Variants in HAAO observed in about 807,000 individuals in gnomAD.
The protein encoded by HAAO is 3-hydroxyanthranilate oxygenase.
In HAAO, 49 loss-of-function variants were observed where a neutral mutation model predicts 46.2. That is an observed-to-expected ratio of 1.06 (90% CI 0.84 to 1.34). HAAO has a LOEUF of 1.34. Ranked by LOEUF, HAAO falls within the 40% of genes most tolerant of loss-of-function variation. The probability of loss-of-function intolerance (pLI) is 0.00; values close to 1 mark genes in which losing one functional copy is unlikely to be tolerated. For synonymous variants in HAAO, 157 were observed against 145.2 expected (o/e 1.08, Z -0.58); for missense variants, 408 against 364.5 (o/e 1.12, Z -0.97).
rs538491541 is a variant in HAAO at position 42,767,660 on chromosome 2, C to T, written c.717G>A (p.Val239=). 2 of 1,567,742 alleles carry T rather than the reference C, an allele frequency of 1.3e-6. No individual in the cohort carries two copies. Among genetic ancestry groups the T allele is most frequent in the African/African-American group, 1.4e-5 (1 of 73,884 alleles). ...GGCTCAGGCGCCGTCCCCCCATTGTCACCACCGAGGAGCCCTCCTGGAGAA... is the reference window on the plus strand; with the variant it reads ...GGCTCAGGCGCCGTCCCCCCATTGTTACCACCGAGGAGCCCTCCTGGAGAA... ...WLWQLEGSSV[V]TMGGRRLSLA... is the part of the protein sequence containing the mutation. Residue 239 remains valine (V), a synonymous_variant, in exon 9 of 10, where the codon GTG becomes GTA. Coordinates refer to ENST00000294973, the MANE Select transcript of HAAO (RefSeq NM_012205.3).
At chr2:42,784,935 G>A (rs1272194833) in intron 2 of HAAO, among the ~76,000 whole-genome samples, 1 of 152,200 alleles carries the variant, frequency 6.6e-6, no homozygotes, top group African/African-American at 2.4e-5. Context: ...CAGATAGCTG[G>A]TCACCACACA....
chr2:42,785,244 G>C (rs1672301417), intron 2 of HAAO, among the ~76,000 whole-genome samples: 1 of 152,206 alleles, frequency 6.6e-6, no homozygotes, highest in South Asian at 2.1e-4. Context: ...TAGTATTGAT[G>C]ATGGTAAGAA....
At chr2:42,769,583 GT>G in intron 7 of HAAO, 129 bp downstream of exon 7, 2 of 584,214 alleles carry the variant, frequency 3.4e-6, no homozygotes, top group Non-Finnish European at 5.5e-6. Flanking sequence ...GTGTGTGTGT[GT>G]GTGTGTGTGT....
At chr2:42,784,308 C>T (rs371918989) in intron 2 of HAAO, among the ~76,000 whole-genome samples, 4 of 152,230 alleles carry the variant, frequency 2.6e-5, no homozygotes, top group African/African-American at 9.6e-5. Context: ...AAAAACAAGG[C>T]TCAGAGGGTA....
intron 2 of HAAO, among the ~76,000 whole-genome samples, chr2:42,784,358 G>T (rs1672235906): frequency 1.3e-5 from 2 of 152,150 alleles, no homozygotes; most frequent in Non-Finnish European, 2.9e-5. Flanking sequence ...TTAGTCTCCA[G>T]CTGGAGCCGC....
At chr2:42,767,719 C>G in intron 8 of HAAO, 42 bp from the exon 9 acceptor site, 1 of 1,547,614 alleles carries the variant, frequency 6.5e-7, no homozygotes, top group Non-Finnish European at 8.9e-7. Context: ...GACTGTTGGG[C>G]CTCATCACCT....
intron 4 of HAAO, among the ~76,000 whole-genome samples, chr2:42,772,517 A>G (rs1325499552): frequency 6.6e-6 from 1 of 151,240 alleles, no homozygotes; most frequent in Admixed American, 6.6e-5. Context: ...AGTTTCTTTT[A>G]AGTAAAAAAA....
intron 2 of HAAO, 147 bp from the exon 3 acceptor site, chr2:42,784,014 A>C: frequency 7.0e-7 from 1 of 1,435,514 alleles, no homozygotes; most frequent in East Asian, 2.5e-5. Flanking sequence ...TTCTGTCCTG[A>C]GGCCTGTCTC....
Position 42,767,599 on chromosome 2 carries a change from T to TCCC in HAAO, c.775_777dup (p.Gly259dup), listed in dbSNP as rs1450014703. On this transcript the variant is annotated inframe_insertion, in exon 9 of 10. Transcript: ENST00000294973. ...AAGCCCTCCCTGCGTACTCACGAGG[T>TCCC]CCCAGCTAGCACCAGGAGGCTGTCA... 1 of 1,576,262 alleles carries TCCC rather than the reference T, an allele frequency of 6.3e-7. No individual in the cohort carries two copies. Among genetic ancestry groups the TCCC allele is most frequent in the African/African-American group, 1.3e-5 (1 of 74,236 alleles).
chr2:42,790,258 T>G (rs1213717818), intron 1 of HAAO, among the ~76,000 whole-genome samples: 1 of 151,984 alleles, frequency 6.6e-6, no homozygotes, highest in Admixed American at 6.5e-5. Context: ...ACCTGATGTT[T>G]GGAAAGGTGG....
chr2:42,767,674 C>G lies in HAAO; in HGVS notation c.703G>C (p.Gly235Arg), dbSNP rs34053133. The change falls in exon 9 of 10, where the codon GGC (glycine) becomes CGC (arginine). Residue 235 changes from glycine (G) to arginine (R), a missense_variant. By Grantham distance (125) the Gly-to-Arg change is moderately radical. Coordinates refer to ENST00000294973, the MANE Select transcript of HAAO (RefSeq NM_012205.3). ...NVDVWLWQLE[G>R]SSVVTMGGRR... ...CCCCCCATTGTCACCACCGAGGAGCCCTCCTGGAGAAGAGGAGCAGGAGAA... is the reference window on the plus strand; with the variant it reads ...CCCCCCATTGTCACCACCGAGGAGCGCTCCTGGAGAAGAGGAGCAGGAGAA... 7,144 of 1,568,904 alleles carry G rather than the reference C, an allele frequency of 4.6e-3. 15 individuals carry two copies. Among genetic ancestry groups the G allele is most frequent in the Admixed American group, 5.8e-3 (307 of 52,670 alleles).
chr2:42,767,549 A>G (rs1670755822), intron 9 of HAAO, 34 bp from the exon 10 acceptor site: 1 of 1,594,662 alleles, frequency 6.3e-7, no homozygotes, highest in Non-Finnish European at 8.6e-7. Context: ...GATCACACAG[A>G]GTTGGACCCT....
In HAAO at chr2:42,783,433, A is replaced by C. The variant is rs750421665; in HGVS notation, c.244-13T>G. ...GCAGGAGGAATATCTGCAGTGGTAG[A>C]GATAAGGTGCACAGTGAGGCTGCAA... On this transcript the variant is annotated splice_polypyrimidine_tract_variant and intron_variant, in intron 3 of 9. Transcript: ENST00000294973. 2.6e-6 allele frequency: 4 copies of C among 1,524,954 alleles called. No homozygotes were observed. The highest frequency in any genetic ancestry group is 3.6e-6 in the Non-Finnish European group (4 of 1,101,722). The allele number at this position is 1,524,954 out of a possible 1,614,324, so 94.5% of individuals were successfully genotyped here.
At chr2:42,787,931 C>A (rs1270342346) in intron 2 of HAAO, among the ~76,000 whole-genome samples, 1 of 152,066 alleles carries the variant, frequency 6.6e-6, no homozygotes, top group Admixed American at 6.5e-5. Context: ...AGGCAAATTC[C>A]CCCTCCCACC....
chr2:42,784,845 T>C (rs1672274513), intron 2 of HAAO, among the ~76,000 whole-genome samples: 1 of 152,148 alleles, frequency 6.6e-6, no homozygotes, highest in South Asian at 2.1e-4. Flanking sequence ...GCCTTGGCAG[T>C]TCACACCCCT....
chr2:42,771,460 AAG>A (rs1160123849), intron 4 of HAAO, among the ~76,000 whole-genome samples: 7 of 148,308 alleles, frequency 4.7e-5, no homozygotes, highest in African/African-American at 1.0e-4. Flanking sequence ...AAAAAAAAAA[AAG>A]AAGCCAACAC....
chr2:42,792,412 G>T, intron 1 of HAAO, 45 bp downstream of exon 1: 1 of 1,107,984 alleles, frequency 9.0e-7, no homozygotes, highest in Non-Finnish European at 1.3e-6. Context: ...TGGAGGAGGG[G>T]GAGGAGGCGA....
chr2:42,785,448 A>G (rs1672314978), intron 2 of HAAO, among the ~76,000 whole-genome samples: 1 of 152,262 alleles, frequency 6.6e-6, no homozygotes, highest in Admixed American at 6.5e-5. Context: ...GTAGCAATAC[A>G]AATATAACAG....
intron 1 of HAAO, chr2:42,789,230 G>T (rs1388927237): frequency 6.5e-6 from 1 of 153,274 alleles, no homozygotes; most frequent in Non-Finnish European, 1.5e-5. Context: ...ATTAATATTT[G>T]GAAGCTCTCA....
Sources: allele counts gnomAD v4.1 joint callset (sites outside exome capture counted in the v4.1 genomes callset), GRCh38; gene constraint gnomAD v4.1.1; transcripts MANE v1.5; gene names NCBI Gene and HGNC (gene_info 2026-07-23, HGNC 2026-07-21).